PCDH15: variants seen among roughly 807,000 people sequenced by gnomAD.
PCDH15 encodes the protein protocadherin-15.
Under a neutral mutation model 178.5 loss-of-function variants are expected in PCDH15, and 129 were observed. The observed-to-expected ratio is 0.72, with a 90% CI of 0.63 to 0.84. PCDH15 has a LOEUF of 0.84. PCDH15 is among the 40% of genes least tolerant of loss of function. PCDH15 has a pLI of 0.00. For synonymous variants in PCDH15, 800 were observed against 732.0 expected (o/e 1.09, Z -1.50); for missense variants, 2,230 against 2,099.9 (o/e 1.06, Z -1.21).
At chr10:54,297,311 T>A (rs1262027497) in intron 8 of PCDH15, among the ~76,000 whole-genome samples, 1 of 152,136 alleles carries the variant, frequency 6.6e-6, no homozygotes, top group East Asian at 1.9e-4. Context: ...AGGCAGCTCA[T>A]TTTTTTCTGC....
At chr10:54,464,985 C>T (rs921892268) in intron 3 of PCDH15, among the ~76,000 whole-genome samples, 1 of 152,210 alleles carries the variant, frequency 6.6e-6, no homozygotes, top group Middle Eastern at 3.4e-3. Flanking sequence ...GTAGTTTAAC[C>T]TTTTATGTTT....
intron 3 of PCDH15, among the ~76,000 whole-genome samples, chr10:54,814,984 T>A (rs1302863870): frequency 6.6e-6 from 1 of 152,140 alleles, no homozygotes. Context: ...TGTGATAGTG[T>A]CTTTGTCACC....
At chr10:55,344,576 T>C (rs1844692068) in intron 2 of PCDH15, among the ~76,000 whole-genome samples, 1 of 152,054 alleles carries the variant, frequency 6.6e-6, no homozygotes, top group Non-Finnish European at 1.5e-5. Flanking sequence ...AGACTGTTGG[T>C]CCACGCAACT....
intron 2 of PCDH15, among the ~76,000 whole-genome samples, chr10:54,975,169 C>T (rs192678295): frequency 6.6e-6 from 1 of 152,240 alleles, no homozygotes; most frequent in Admixed American, 6.5e-5. Flanking sequence ...TTCTGTTATC[C>T]CATATCTTGA....
chr10:55,214,511 A>C (rs777186020), intron 1 of PCDH15, among the ~76,000 whole-genome samples: 62 of 151,400 alleles, frequency 4.1e-4, no homozygotes, highest in Middle Eastern at 3.4e-3. Context: ...ACCATTTTAT[A>C]TCCAAATTTT....
chr10:53,822,926 C>A lies in PCDH15; in HGVS notation c.4368-2696G>T, dbSNP rs771671028. 4 of 1,613,980 alleles carry A rather than the reference C, an allele frequency of 2.5e-6. 1 individual carries two copies. In the South Asian group the frequency reaches 3.3e-5, roughly 13 times the overall value. On this transcript the variant is annotated intron_variant, in intron 32 of 37. Coordinates refer to ENST00000644397, the MANE Select transcript of PCDH15 (RefSeq NM_001384140.1). ...TTTCAGCTTTCTGCCTGGTGCCTTG[C>A]CACTGCTGCAGATCTATGATCTCTG... is the stretch of plus-strand genomic sequence containing the variant.
intron 18 of PCDH15, among the ~76,000 whole-genome samples, chr10:54,063,404 C>A (rs138999599): frequency 1.2e-3 from 177 of 152,230 alleles, no homozygotes; most frequent in African/African-American, 4.1e-3. Flanking sequence ...TTCAGCATTT[C>A]TCCTTTGATG....
chr10:54,716,566 GTTA>G (rs2095482162), intron 1 of PCDH15, among the ~76,000 whole-genome samples: 1 of 151,972 alleles, frequency 6.6e-6, no homozygotes, highest in Admixed American at 6.6e-5. Flanking sequence ...CTGTTTGTCT[GTTA>G]TTGATATATA....
At chr10:53,974,950 T>C (rs2090068345) in intron 21 of PCDH15, among the ~76,000 whole-genome samples, 1 of 152,046 alleles carries the variant, frequency 6.6e-6, no homozygotes, top group South Asian at 2.1e-4. Flanking sequence ...CCTCCTCTAA[T>C]AGTCTCCAGT....
At chr10:53,847,724 T>A (rs1173371556) in intron 28 of PCDH15, among the ~76,000 whole-genome samples, 2 of 152,140 alleles carry the variant, frequency 1.3e-5, no homozygotes, top group African/African-American at 4.8e-5. Flanking sequence ...TTGTGACTAC[T>A]CTATATGGAC....
At chr10:54,832,911 G>A (rs1953249686) in intron 3 of PCDH15, among the ~76,000 whole-genome samples, 1 of 152,118 alleles carries the variant, frequency 6.6e-6, no homozygotes, top group African/African-American at 2.4e-5. Context: ...TAGATTTTAT[G>A]TAACATTTTG....
chr10:54,421,067 T>C (rs1323408155), intron 3 of PCDH15, among the ~76,000 whole-genome samples: 1 of 152,108 alleles, frequency 6.6e-6, no homozygotes, highest in Non-Finnish European at 1.5e-5. Flanking sequence ...CATTTTCAGT[T>C]ACTTAATATT....
chr10:53,914,614 T>C (rs1024268117), intron 25 of PCDH15, among the ~76,000 whole-genome samples: 1 of 152,042 alleles, frequency 6.6e-6, no homozygotes, highest in Non-Finnish European at 1.5e-5. Flanking sequence ...GGGCCTGTTG[T>C]GGAGTTGGGG....
intron 1 of PCDH15, among the ~76,000 whole-genome samples, chr10:55,270,251 A>G (rs779081398): frequency 1.4e-4 from 21 of 152,186 alleles, no homozygotes; most frequent in Non-Finnish European, 2.2e-4. Context: ...CTAAGTCCCC[A>G]AAAGCAATTG....
At chr10:55,013,523 C>T (rs919358743) in intron 2 of PCDH15, among the ~76,000 whole-genome samples, 6 of 144,634 alleles carry the variant, frequency 4.1e-5, no homozygotes, top group African/African-American at 1.5e-4. Flanking sequence ...CAGAATATAT[C>T]AGCAATCCTC....
At chr10:55,334,238 A>ATGTG (rs1342496492) in intron 2 of PCDH15, among the ~76,000 whole-genome samples, 5 of 97,322 alleles carry the variant, frequency 5.1e-5, no homozygotes, top group Admixed American at 2.0e-4. Flanking sequence ...ATATATATAT[A>ATGTG]TATATGTGTG....
chr10:54,380,705 CAT>C (rs58171476), intron 3 of PCDH15, among the ~76,000 whole-genome samples: 974 of 48,962 alleles, frequency 0.02, 34 homozygotes, highest in Middle Eastern at 0.047. Context: ...ATATATGCTC[CAT>C]ATATATATAT....
chr10:54,221,295 A>G (rs1686128004), intron 9 of PCDH15, among the ~76,000 whole-genome samples: 1 of 152,190 alleles, frequency 6.6e-6, no homozygotes, highest in African/African-American at 2.4e-5. Context: ...TATAGAGGAA[A>G]TGGCAACCTA....
chr10:54,386,100 T>TTGTGTGTGTG (rs60205554), intron 3 of PCDH15, among the ~76,000 whole-genome samples: 34 of 139,782 alleles, frequency 2.4e-4, no homozygotes, highest in African/African-American at 4.6e-4. Context: ...TAGTTATTAG[T>TTGTGTGTGTG]TGTGTGTGTG....
Sources: gnomAD v4.1 joint callset for allele counts (sites outside exome capture counted in the v4.1 genomes callset) on GRCh38, gnomAD v4.1.1 for gene constraint, MANE v1.5 for transcripts, NCBI Gene and HGNC (gene_info 2026-07-23, HGNC 2026-07-21) for gene names.